FER: variants seen among roughly 807,000 people sequenced by gnomAD.
The protein encoded by FER is FER tyrosine kinase.
In FER, 63 loss-of-function variants were observed where a neutral mutation model predicts 111.0. The ratio of observed to expected loss-of-function variants is 0.57; its 90% CI spans 0.46 to 0.70. The LOEUF (loss-of-function observed/expected upper bound fraction) is 0.70, where lower values mean the gene tolerates loss of function less well. FER is among the 30% of genes least tolerant of loss of function. The pLI, the probability that FER is intolerant of heterozygous loss-of-function variation, is 0.00. For synonymous variants in FER, 327 were observed against 313.9 expected (o/e 1.04, Z -0.44); for missense variants, 914 against 954.0 (o/e 0.96, Z 0.55).
intron 13 of FER, among the ~76,000 whole-genome samples, chr5:108,989,690 A>C (rs1254978419): frequency 2.0e-5 from 3 of 151,890 alleles, no homozygotes; most frequent in Non-Finnish European, 2.9e-5. Flanking sequence ...ATTTATAACT[A>C]TTTCTCTCCC....
chr5:109,093,733 G>A (rs1747120543), intron 16 of FER, among the ~76,000 whole-genome samples: 1 of 152,038 alleles, frequency 6.6e-6, no homozygotes, highest in Non-Finnish European at 1.5e-5. Context: ...AAAATGTAAG[G>A]AAGCTTGAAT....
intron 5 of FER, among the ~76,000 whole-genome samples, chr5:108,865,778 T>C (rs1030946641): frequency 1.3e-5 from 2 of 152,072 alleles, no homozygotes; most frequent in African/African-American, 4.8e-5. Flanking sequence ...GGGCGAAGGA[T>C]ATGAACAGAC....
At chr5:109,054,503 T>C (rs1773373209) in intron 16 of FER, among the ~76,000 whole-genome samples, 2 of 152,256 alleles carry the variant, frequency 1.3e-5, no homozygotes, top group Admixed American at 6.5e-5. Context: ...CTTGGTTCTT[T>C]ACATATTCTG....
At chr5:108,814,397 A>C (rs1286319611) in intron 3 of FER, among the ~76,000 whole-genome samples, 7 of 152,182 alleles carry the variant, frequency 4.6e-5, no homozygotes, top group Admixed American at 4.6e-4. Context: ...GCTACTCCAT[A>C]CACAGGGGAG....
At chr5:108,832,647 C>G in intron 3 of FER, 123 bp from the exon 4 acceptor site, 1 of 644,474 alleles carries the variant, frequency 1.6e-6, no homozygotes, top group East Asian at 3.4e-5. Context: ...TGCCAGAAAC[C>G]TATTTTTTAT....
At chr5:109,185,455 T>C (rs1758755797) in intron 18 of FER, among the ~76,000 whole-genome samples, 1 of 152,190 alleles carries the variant, frequency 6.6e-6, no homozygotes, top group Admixed American at 6.5e-5. Flanking sequence ...TTTAAGTTTG[T>C]TTGTAATTTT....
At chr5:108,864,480 G>A (rs1763835888) in intron 5 of FER, among the ~76,000 whole-genome samples, 1 of 152,152 alleles carries the variant, frequency 6.6e-6, no homozygotes, top group African/African-American at 2.4e-5. Context: ...GGAATACTCA[G>A]ATGGTTGCTG....
At chr5:108,800,197 A>C (rs79927835) in intron 3 of FER, among the ~76,000 whole-genome samples, 201 of 152,068 alleles carry the variant, frequency 1.3e-3, no homozygotes, top group African/African-American at 4.3e-3. Context: ...ATTAGTTACC[A>C]CTTATCTGCT....
intron 17 of FER, among the ~76,000 whole-genome samples, chr5:109,129,911 C>T (rs984303598): frequency 3.3e-5 from 5 of 152,000 alleles, no homozygotes; most frequent in African/African-American, 9.7e-5. Context: ...CTACATCTCA[C>T]ATATATGAGA....
chr5:108,883,462 T>C lies in FER; in HGVS notation c.990T>C (p.Val330=). The change falls in exon 9 of 20, where the codon GTT becomes GTC. Residue 330 remains valine (V), a synonymous_variant. Transcript: ENST00000281092. ...TGCTTTTAAACAAGGAGGAGGCTGT[T>C]TTGGAGTTAGAGAAGAGAATTGAAG... is the stretch of plus-strand genomic sequence containing the variant. ...QQMLLNKEEA[V]LELEKRIEES... The C allele has an allele frequency of 6.2e-7, 1 of 1,608,978 alleles. No homozygotes were observed. Among genetic ancestry groups the C allele is most frequent in the Non-Finnish European group, 8.5e-7 (1 of 1,176,740 alleles).
At chr5:109,147,796 TATATAGAGAGAG>T (rs1462567268) in intron 17 of FER, among the ~76,000 whole-genome samples, 4 of 118,048 alleles carry the variant, frequency 3.4e-5, no homozygotes, top group East Asian at 2.4e-4. Context: ...TATATATATA[TATATAGAGAGAG>T]AGAGAGAGAG....
intron 16 of FER, among the ~76,000 whole-genome samples, chr5:109,074,861 C>G (rs1776142462): frequency 6.6e-6 from 1 of 152,102 alleles, no homozygotes; most frequent in African/African-American, 2.4e-5. Flanking sequence ...GTTTGCTGTG[C>G]TAAGTATTCA....
At chr5:108,874,921 CTT>C (rs1339588670) in intron 8 of FER, among the ~76,000 whole-genome samples, 1 of 152,082 alleles carries the variant, frequency 6.6e-6, no homozygotes. Context: ...TATAAGCCCT[CTT>C]ATAAAATGTT....
intron 5 of FER, among the ~76,000 whole-genome samples, chr5:108,837,605 G>T (rs558773253): frequency 1.3e-5 from 2 of 152,094 alleles, no homozygotes; most frequent in South Asian, 4.1e-4. Flanking sequence ...ATATGTTGGA[G>T]AATTATTAGT....
chr5:109,130,509 CAAAAT>C (rs1158183664), intron 17 of FER, among the ~76,000 whole-genome samples: 2 of 151,446 alleles, frequency 1.3e-5, no homozygotes, highest in Admixed American at 6.6e-5. Context: ...TAAACAGAAA[CAAAAT>C]AAAATGATAT....
intron 13 of FER, among the ~76,000 whole-genome samples, chr5:109,028,522 A>G (rs746376839): frequency 5.3e-5 from 8 of 152,210 alleles, no homozygotes; most frequent in Non-Finnish European, 1.2e-4. Flanking sequence ...TAGAAAGGAC[A>G]TAAGCTTCAG....
At chr5:109,137,682 A>T (rs770722551) in intron 17 of FER, among the ~76,000 whole-genome samples, 4 of 152,190 alleles carry the variant, frequency 2.6e-5, no homozygotes, top group Non-Finnish European at 4.4e-5. Flanking sequence ...AGGTAGAAAG[A>T]TAGGCGGGTT....
intron 3 of FER, among the ~76,000 whole-genome samples, chr5:108,822,802 A>ATTTTATGTTG (rs2150109090): frequency 6.9e-6 from 1 of 143,970 alleles, no homozygotes; most frequent in East Asian, 2.1e-4. Flanking sequence ...ATTTTATGTT[A>ATTTTATGTTG]TTTTTGAGAC....
chr5:109,132,401 G>T (rs1216835672), intron 17 of FER, among the ~76,000 whole-genome samples: 2 of 152,140 alleles, frequency 1.3e-5, no homozygotes, highest in Non-Finnish European at 2.9e-5. Context: ...AGGAACTTGG[G>T]ATGCATCAGT....
Sources: gnomAD v4.1 joint callset for allele counts (sites outside exome capture counted in the v4.1 genomes callset) on GRCh38, gnomAD v4.1.1 for gene constraint, MANE v1.5 for transcripts, NCBI Gene and HGNC (gene_info 2026-07-23, HGNC 2026-07-21) for gene names.